Variants in CCDC38 observed in about 807,000 individuals in gnomAD.
CCDC38 encodes coiled-coil domain-containing protein 38.
Under a neutral mutation model 72.8 loss-of-function variants are expected in CCDC38, and 69 were observed. That is an observed-to-expected ratio of 0.95 (90% CI 0.78 to 1.16). The LOEUF is 1.16. Among genes scored for constraint, CCDC38 ranks in the 50% most tolerant of loss-of-function variants. The pLI is 0.00. For missense variants in CCDC38, 626 were observed against 638.9 expected, an observed-to-expected ratio of 0.98 and a Z score of 0.22; for synonymous variants, 201 against 213.2, an observed-to-expected ratio of 0.94 and a Z score of 0.50.
At chr12:95,908,450 AGAGGG>A (rs2080042621) in intron 4 of CCDC38, among the ~76,000 whole-genome samples, 1 of 1,094 alleles carries the variant, frequency 9.1e-4, no homozygotes, top group African/African-American at 0.019. Context: ...GGAAAGAGGG[AGAGGG>A]AGAGGGAGAG....
chr12:95,917,154 A>G lies in CCDC38; in HGVS notation c.279T>C (p.Pro93=), dbSNP rs149595534. The change falls in exon 4 of 16, where the codon CCT becomes CCC. Residue 93 remains proline, a synonymous_variant. Coordinates refer to ENST00000344280, the MANE Select transcript of CCDC38 (RefSeq NM_182496.3). ...GRSFEKFGPG[P]APIPRLIEGS... ...CTTCTATTAATCTAGGAATCGGAGC[A>G]GGACCTGGCCCAAACTTTTCAAATG... The G allele has an allele frequency of 2.1e-5, 33 of 1,594,256 alleles. No individual in the cohort carries two copies. The African/African-American group carries it at 3.9e-4, about 19-fold the overall frequency.
rs79322116 is a variant in CCDC38 at position 95,942,503 on chromosome 12, G to A, written c.-87C>T. ...GGCGTTGTGGGAAAAGTGGGCGGAGGTGCCAATCGATCCTCCAGTCTCGGC... is the reference window on the plus strand; with the variant it reads ...GGCGTTGTGGGAAAAGTGGGCGGAGATGCCAATCGATCCTCCAGTCTCGGC... On this transcript the variant is annotated 5_prime_UTR_variant, in exon 1 of 16. Coordinates refer to ENST00000344280, the MANE Select transcript of CCDC38 (RefSeq NM_182496.3). 30,270 of 152,210 alleles carry A rather than the reference G, an allele frequency of 0.2. 3,741 individuals carry two copies. Among genetic ancestry groups the A allele is most frequent in the East Asian group, 0.45 (2,321 of 5,144 alleles). The allele number at this position is 152,210 out of a possible 1,614,324, so 9.4% of individuals were successfully genotyped here. A position where few individuals can be genotyped will look rare whatever the true frequency, so the allele number is the denominator to read the frequency against.
At chr12:95,883,070 A>G (rs182139919) in intron 10 of CCDC38, among the ~76,000 whole-genome samples, 152 of 152,300 alleles carry the variant, frequency 1.0e-3, no homozygotes, top group Admixed American at 3.7e-3. Flanking sequence ...AAGCCGTTCA[A>G]AGTCCTGTCA....
chr12:95,881,415 A>G, intron 11 of CCDC38, 70 bp downstream of exon 11: 1 of 1,173,408 alleles, frequency 8.5e-7, no homozygotes, highest in Non-Finnish European at 1.2e-6. Flanking sequence ...TTTTAATTTC[A>G]AAAGAATAAA....
At chr12:95,898,495 C>T (rs2079915442) in intron 6 of CCDC38, 30 bp from the exon 7 acceptor site, 3 of 1,599,064 alleles carry the variant, frequency 1.9e-6, no homozygotes, top group Non-Finnish European at 1.7e-6. Flanking sequence ...TGTTAATTTG[C>T]TTCTTAGAAA....
Position 95,867,244 on chromosome 12 carries a change from A to T in CCDC38, c.1579-55T>A. On this transcript the variant is annotated intron_variant, in intron 15 of 15. Transcript: ENST00000344280. ...TATTTTTTGAGCATAGCCATTTTCT[A>T]TTGAAATTTGTGAAATACCAATATT... 8.4e-6 allele frequency: 8 copies of T among 948,522 alleles called. 1 individual carries two copies. The South Asian group carries it at 1.1e-4, about 14-fold the overall frequency. 58.8% of individuals were successfully genotyped at this position (948,522 alleles called of 1,614,324 possible).
chr12:95,939,769 G>T (rs2080430086), intron 1 of CCDC38, among the ~76,000 whole-genome samples: 1 of 152,190 alleles, frequency 6.6e-6, no homozygotes, highest in African/African-American at 2.4e-5. Flanking sequence ...CATGCTGGTT[G>T]ATTTAATTAA....
chr12:95,883,578 G>T (rs1305877063), intron 10 of CCDC38, among the ~76,000 whole-genome samples: 2 of 152,164 alleles, frequency 1.3e-5, no homozygotes, highest in African/African-American at 4.8e-5. Flanking sequence ...CACTGATCCT[G>T]CCCTTGCCCT....
intron 5 of CCDC38, chr12:95,903,781 G>T: frequency 4.0e-6 from 1 of 247,644 alleles, no homozygotes; most frequent in Non-Finnish European, 7.7e-6. Context: ...ATTGGATTTG[G>T]TTTGTTACAT....
At chr12:95,888,535 C>T (rs755894342) in intron 9 of CCDC38, 29 bp from the exon 10 acceptor site, 1 of 1,610,396 alleles carries the variant, frequency 6.2e-7, no homozygotes, top group Non-Finnish European at 8.5e-7. Flanking sequence ...TGAGGCCATG[C>T]CGTTGGTGAT....
Position 95,873,805 on chromosome 12 carries a change from A to C in CCDC38, c.1279-1345T>G, listed in dbSNP as rs2121414772. Among the ~76,000 whole-genome samples, 2 of 152,312 alleles carry C rather than the reference A, an allele frequency of 1.3e-5. 1 individual carries two copies. The highest frequency in any genetic ancestry group is 4.1e-4 in the South Asian group (2 of 4,824). ...AAACACCTTACAGAGCCACCAACACAATTACAAGCCAAGATCTGATACCAA... is the reference window on the plus strand; with the variant it reads ...AAACACCTTACAGAGCCACCAACACCATTACAAGCCAAGATCTGATACCAA... On this transcript the variant is annotated intron_variant, in intron 13 of 15. Transcript: ENST00000344280.
chr12:95,869,889 T>C (rs1285570158), intron 14 of CCDC38: 2 of 234,384 alleles, frequency 8.5e-6, no homozygotes, highest in African/African-American at 4.8e-5. Context: ...AGTGGCATGA[T>C]CTTGGCTCAC....
chr12:95,918,851 G>A (rs776504317), intron 3 of CCDC38, 25 bp downstream of exon 3: 1 of 1,421,002 alleles, frequency 7.0e-7, no homozygotes, highest in African/African-American at 1.4e-5. Flanking sequence ...CATTAATTGG[G>A]GTTGTGATTT....
At chr12:95,874,290 T>C (rs989308788) in intron 13 of CCDC38, among the ~76,000 whole-genome samples, 2 of 152,076 alleles carry the variant, frequency 1.3e-5, no homozygotes, top group Non-Finnish European at 2.9e-5. Flanking sequence ...ATGAGAGTGG[T>C]TGCTAGTTGA....
chr12:95,869,554 T>G lies in CCDC38; in HGVS notation c.1504A>C (p.Lys502Gln), dbSNP rs1022292556. The G allele has an allele frequency of 1.9e-5, 31 of 1,613,266 alleles. No homozygotes were observed. Among genetic ancestry groups the G allele is most frequent in the Non-Finnish European group, 2.5e-5 (29 of 1,179,808 alleles). ...TCCTGTTGGTGTCTTTGTTTTTCTT[T>G]CATTTTCTCATCACGAAACCTGTCA... The part of the protein sequence containing the change: ...WRQKFRDEKM[K>Q]EKQRHQQERL... Residue 502 changes from lysine (K) to glutamine (Q), a missense_variant, in exon 15 of 16, where the codon AAA becomes CAA. By Grantham distance (53) the Lys-to-Gln change is moderately conservative (BLOSUM62 1). Coordinates refer to ENST00000344280, the MANE Select transcript of CCDC38 (RefSeq NM_182496.3).
chr12:95,867,182 C>T lies in CCDC38; in HGVS notation c.1586G>A (p.Arg529Lys). ...AVAQPKKKLG[R>K]RLVFHSKPPS... ...AGGTTTTGAATGAAAGACAAGTCGT[C>T]TTCCCAACTGAAACAAAAGAAAAAC... Residue 529 changes from arginine (R) to lysine (K), a missense_variant, in exon 16 of 16, where the codon AGA becomes AAA. Coordinates refer to ENST00000344280, the MANE Select transcript of CCDC38 (RefSeq NM_182496.3). 6.4e-7 allele frequency: 1 copy of T among 1,560,036 alleles called. No homozygotes were observed. Among genetic ancestry groups the T allele is most frequent in the Non-Finnish European group, 8.8e-7 (1 of 1,136,088 alleles).
At chr12:95,877,106 G>C (rs942184237) in intron 13 of CCDC38, among the ~76,000 whole-genome samples, 2 of 152,100 alleles carry the variant, frequency 1.3e-5, no homozygotes, top group African/African-American at 4.8e-5. Flanking sequence ...AAGTTTATTG[G>C]GGATCTGAAG....
At chr12:95,886,183 A>AT (rs1179118081) in intron 10 of CCDC38, among the ~76,000 whole-genome samples, 1 of 152,210 alleles carries the variant, frequency 6.6e-6, no homozygotes, top group Non-Finnish European at 1.5e-5. Context: ...TGCCTAAGTG[A>AT]TTTTTGACAA....
intron 1 of CCDC38, among the ~76,000 whole-genome samples, chr12:95,937,728 C>A (rs541226989): frequency 1.3e-5 from 2 of 152,272 alleles, no homozygotes; most frequent in African/African-American, 2.4e-5. Context: ...TTTGGACAAG[C>A]CTGATTTTTG....
Sources: allele counts gnomAD v4.1 joint callset (sites outside exome capture counted in the v4.1 genomes callset), GRCh38; gene constraint gnomAD v4.1.1; transcripts MANE v1.5; gene names NCBI Gene and HGNC (gene_info 2026-07-23, HGNC 2026-07-21).